ENOX1: variants seen among roughly 807,000 people sequenced by gnomAD.
ENOX1 encodes the protein candidate growth-related and time keeping constitutive hydroquinone (NADH) oxidase.
Under a neutral mutation model 82.5 loss-of-function variants are expected in ENOX1, and 42 were observed. That is an observed-to-expected ratio of 0.51 (90% CI 0.40 to 0.66). The LOEUF (loss-of-function observed/expected upper bound fraction) is 0.66, where lower values mean the gene tolerates loss of function less well. ENOX1 is among the 30% of genes least tolerant of loss of function. The probability of loss-of-function intolerance (pLI) is 0.00; values close to 1 mark genes in which losing one functional copy is unlikely to be tolerated. For synonymous variants in ENOX1, 271 were observed against 282.2 expected, an observed-to-expected ratio of 0.96 and a Z score of 0.40; for missense variants, 608 against 811.6, an observed-to-expected ratio of 0.75 and a Z score of 3.05.
In ENOX1 at chr13:43,272,600, T is replaced by C. The variant is rs193132017; in HGVS notation, c.1447-3023A>G. 1.2e-3 allele frequency among the ~76,000 whole-genome samples: 185 copies of C among 152,354 alleles called. 1 individual carries two copies. The highest frequency in any genetic ancestry group is 1.8e-3 in the Non-Finnish European group (120 of 68,020). ...GATTTTAAGCATCTTATATACTTGCTAGCTATAGGGGTTTATTTATAATTT... is the reference window on the plus strand; with the variant it reads ...GATTTTAAGCATCTTATATACTTGCCAGCTATAGGGGTTTATTTATAATTT... On this transcript the variant is annotated intron_variant, in intron 12 of 16. Coordinates refer to ENST00000690772, the MANE Select transcript of ENOX1 (RefSeq NM_001347969.2).
intron 1 of ENOX1, among the ~76,000 whole-genome samples, chr13:43,738,089 A>G (rs1013018581): frequency 1.3e-5 from 2 of 152,246 alleles, no homozygotes; most frequent in South Asian, 2.1e-4. Context: ...AATGTTATTA[A>G]TTAAATGGTA....
At chr13:43,247,354 A>C (rs1227243538) in intron 14 of ENOX1, among the ~76,000 whole-genome samples, 1 of 152,106 alleles carries the variant, frequency 6.6e-6, no homozygotes, top group Non-Finnish European at 1.5e-5. Flanking sequence ...ATTGTCTCTA[A>C]TATTTTAAAA....
chr13:43,218,270 G>A (rs1341814463), intron 16 of ENOX1, among the ~76,000 whole-genome samples: 1 of 152,144 alleles, frequency 6.6e-6, no homozygotes, highest in Non-Finnish European at 1.5e-5. Flanking sequence ...ATAATACAGA[G>A]TTGTGTCATA....
chr13:43,378,025 A>C (rs1239904251), intron 5 of ENOX1, among the ~76,000 whole-genome samples: 1 of 152,102 alleles, frequency 6.6e-6, no homozygotes, highest in Admixed American at 6.5e-5. Flanking sequence ...ATGTTTGCCA[A>C]ATACCAAATG....
intron 2 of ENOX1, among the ~76,000 whole-genome samples, chr13:43,552,451 A>G (rs1254139055): frequency 6.6e-6 from 1 of 151,062 alleles, no homozygotes; most frequent in Non-Finnish European, 1.5e-5. Flanking sequence ...CTTCTTTCTC[A>G]TTTACACAGA....
At chr13:43,757,775 A>G (rs977019979) in intron 1 of ENOX1, among the ~76,000 whole-genome samples, 1 of 152,204 alleles carries the variant, frequency 6.6e-6, no homozygotes. Context: ...CTAAACACGC[A>G]ATTACCTACT....
intron 1 of ENOX1, among the ~76,000 whole-genome samples, chr13:43,761,836 A>C (rs780590329): frequency 6.6e-6 from 1 of 152,230 alleles, no homozygotes; most frequent in African/African-American, 2.4e-5. Context: ...CCAAGTAGTC[A>C]GCTGTAGAAC....
chr13:43,251,304 A>C (rs1431861348), intron 14 of ENOX1, among the ~76,000 whole-genome samples: 1 of 152,236 alleles, frequency 6.6e-6, no homozygotes. Flanking sequence ...GATCACCTGC[A>C]GATAATATGC....
intron 2 of ENOX1, among the ~76,000 whole-genome samples, chr13:43,558,575 C>T (rs573094788): frequency 6.6e-6 from 1 of 152,216 alleles, no homozygotes; most frequent in South Asian, 2.1e-4. Context: ...TCACTATTTC[C>T]CTTAGTTGCT....
intron 11 of ENOX1, chr13:43,321,181 A>C: frequency 2.2e-6 from 1 of 456,130 alleles, no homozygotes; most frequent in Non-Finnish European, 4.4e-6. Flanking sequence ...CATGCATCAG[A>C]ATTTCCTATA....
chr13:43,455,003 C>G (rs769210645), intron 3 of ENOX1, among the ~76,000 whole-genome samples: 6 of 152,078 alleles, frequency 3.9e-5, no homozygotes, highest in Non-Finnish European at 7.3e-5. Flanking sequence ...TGTGAAATCC[C>G]TATGCCTCTT....
chr13:43,779,094 T>C (rs1396987920), intron 1 of ENOX1, among the ~76,000 whole-genome samples: 1 of 151,408 alleles, frequency 6.6e-6, no homozygotes, highest in African/African-American at 2.4e-5. Context: ...GCCAGAATCA[T>C]CTTTCTAAGC....
intron 16 of ENOX1, among the ~76,000 whole-genome samples, chr13:43,215,126 A>G (rs2041402492): frequency 1.3e-5 from 2 of 152,190 alleles, no homozygotes; most frequent in Non-Finnish European, 2.9e-5. Flanking sequence ...CACTGTAGAG[A>G]TATCATTTTA....
At chr13:43,330,517 G>T (rs2048356145) in intron 9 of ENOX1, among the ~76,000 whole-genome samples, 1 of 152,150 alleles carries the variant, frequency 6.6e-6, no homozygotes, top group Admixed American at 6.5e-5. Context: ...GCAACTGAAA[G>T]AGCTCTCCAT....
intron 5 of ENOX1, among the ~76,000 whole-genome samples, chr13:43,373,589 TACACACACGTGTGCATAA>T (rs1566064302): frequency 6.6e-6 from 1 of 152,160 alleles, no homozygotes; most frequent in Non-Finnish European, 1.5e-5. Flanking sequence ...CACATACACA[TACACACACGTGTGCATAA>T]ACACACACAC....
At chr13:43,601,534 C>T (rs537685472) in intron 2 of ENOX1, among the ~76,000 whole-genome samples, 2 of 152,050 alleles carry the variant, frequency 1.3e-5, no homozygotes, top group South Asian at 2.1e-4. Flanking sequence ...AGCATGCCTA[C>T]AAGGTCTGGA....
At chr13:43,422,946 A>G (rs1021667868) in intron 3 of ENOX1, among the ~76,000 whole-genome samples, 2 of 152,200 alleles carry the variant, frequency 1.3e-5, no homozygotes, top group African/African-American at 4.8e-5. Context: ...AAAACAGAAA[A>G]GAAAAGAAAA....
At chr13:43,249,647 TTA>T (rs755292969) in intron 14 of ENOX1, among the ~76,000 whole-genome samples, 4 of 152,202 alleles carry the variant, frequency 2.6e-5, no homozygotes, top group Non-Finnish European at 4.4e-5. Context: ...CCTGCTGAGT[TTA>T]TGTTACTGAT....
intron 2 of ENOX1, among the ~76,000 whole-genome samples, chr13:43,596,409 A>C (rs928908169): frequency 6.6e-6 from 1 of 152,214 alleles, no homozygotes; most frequent in Non-Finnish European, 1.5e-5. Context: ...TGTTTCTTTC[A>C]TTTCCATCCT....
Sources: allele counts gnomAD v4.1 joint callset (sites outside exome capture counted in the v4.1 genomes callset), GRCh38; gene constraint gnomAD v4.1.1; transcripts MANE v1.5; gene names NCBI Gene and HGNC (gene_info 2026-07-23, HGNC 2026-07-21).